The following RCAN2 variants were observed in gnomAD, a reference collection of about 807,000 sequenced individuals.
RCAN2 encodes regulator of calcineurin 2.
A neutral mutation model predicts 23.6 loss-of-function variants in RCAN2; 9 were observed. That is an observed-to-expected ratio of 0.38 (90% CI 0.23 to 0.67). The LOEUF (loss-of-function observed/expected upper bound fraction) is 0.67, where lower values mean the gene tolerates loss of function less well. RCAN2 is among the 30% of genes least tolerant of loss of function. RCAN2 has a pLI of 0.51. For missense variants in RCAN2, 273 were observed against 302.3 expected, an observed-to-expected ratio of 0.90 and a Z score of 0.72; for synonymous variants, 109 against 115.7, an observed-to-expected ratio of 0.94 and a Z score of 0.37.
At chr6:46,420,793 CT>C (rs888072804) in intron 2 of RCAN2, among the ~76,000 whole-genome samples, 1 of 152,036 alleles carries the variant, frequency 6.6e-6, no homozygotes, top group Non-Finnish European at 1.5e-5. Context: ...GTAATCTGCC[CT>C]CCTCGGCCCC....
At chr6:46,224,928 C>T (rs186398008) in intron 4 of RCAN2, among the ~76,000 whole-genome samples, 2 of 151,886 alleles carry the variant, frequency 1.3e-5, no homozygotes, top group Non-Finnish European at 2.9e-5. Context: ...CTATCCCTCC[C>T]CCCCTTCCCC....
intron 2 of RCAN2, among the ~76,000 whole-genome samples, chr6:46,290,259 C>T (rs1228013334): frequency 6.6e-6 from 1 of 152,056 alleles, no homozygotes; most frequent in Non-Finnish European, 1.5e-5. Flanking sequence ...GCAGGAAAAA[C>T]ATAGAAAATC....
At chr6:46,267,117 G>A (rs1767359558) in intron 2 of RCAN2, among the ~76,000 whole-genome samples, 1 of 152,184 alleles carries the variant, frequency 6.6e-6, no homozygotes, top group African/African-American at 2.4e-5. Flanking sequence ...GGTTAAAAGA[G>A]GTTGAGTGAT....
chr6:46,289,882 T>G (rs927050045), intron 2 of RCAN2, among the ~76,000 whole-genome samples: 2 of 152,190 alleles, frequency 1.3e-5, no homozygotes, highest in African/African-American at 4.8e-5. Flanking sequence ...ACCATAGTAC[T>G]AAGTTTGTGC....
intron 2 of RCAN2, among the ~76,000 whole-genome samples, chr6:46,437,527 G>A (rs948927907): frequency 6.6e-6 from 1 of 152,176 alleles, no homozygotes; most frequent in African/African-American, 2.4e-5. Flanking sequence ...TTTTATTAGG[G>A]AGGACTTCAA....
intron 1 of RCAN2, among the ~76,000 whole-genome samples, chr6:46,484,744 G>T (rs557628708): frequency 1.1e-4 from 16 of 152,334 alleles, no homozygotes; most frequent in African/African-American, 3.8e-4. Context: ...GCCATCCACA[G>T]AAATCAACTT....
At chr6:46,417,897 T>A (rs1766758967) in intron 2 of RCAN2, among the ~76,000 whole-genome samples, 1 of 152,254 alleles carries the variant, frequency 6.6e-6, no homozygotes, top group African/African-American at 2.4e-5. Flanking sequence ...CTATTAGATC[T>A]ATTTCACTGA....
chr6:46,348,677 T>G (rs2150376996), intron 2 of RCAN2, among the ~76,000 whole-genome samples: 1 of 152,292 alleles, frequency 6.6e-6, no homozygotes, highest in Middle Eastern at 3.4e-3. Flanking sequence ...TCCTCCACTA[T>G]TAGATGAAAG....
chr6:46,225,776 G>T (rs1562090924), intron 4 of RCAN2, among the ~76,000 whole-genome samples: 1 of 152,182 alleles, frequency 6.6e-6, no homozygotes, highest in Non-Finnish European at 1.5e-5. Flanking sequence ...CTGTGCAGAA[G>T]CTCTTTAGTT....
chr6:46,431,372 A>C (rs1238288928), intron 2 of RCAN2, among the ~76,000 whole-genome samples: 1 of 152,048 alleles, frequency 6.6e-6, no homozygotes, highest in Non-Finnish European at 1.5e-5. Context: ...GCCTGGCCCC[A>C]ACTTGCTTTT....
intron 1 of RCAN2, among the ~76,000 whole-genome samples, chr6:46,469,428 C>T (rs948246021): frequency 3.9e-5 from 6 of 152,158 alleles, no homozygotes; most frequent in African/African-American, 1.4e-4. Flanking sequence ...TGATCAGTGG[C>T]TAGGGCTCGT....
intron 2 of RCAN2, among the ~76,000 whole-genome samples, chr6:46,367,799 T>C (rs1290730396): frequency 1.3e-5 from 2 of 152,208 alleles, no homozygotes; most frequent in African/African-American, 4.8e-5. Flanking sequence ...TTAAACGCTA[T>C]GTTTAATTTC....
intron 2 of RCAN2, among the ~76,000 whole-genome samples, chr6:46,263,503 A>ATGTGTG (rs879389951): frequency 8.5e-5 from 6 of 70,596 alleles, no homozygotes; most frequent in Admixed American, 1.4e-4. Context: ...GTATGTGTGT[A>ATGTGTG]TGTGTGTGTA....
intron 2 of RCAN2, among the ~76,000 whole-genome samples, chr6:46,265,433 A>T (rs901566447): frequency 6.6e-6 from 1 of 152,094 alleles, no homozygotes; most frequent in South Asian, 2.1e-4. Flanking sequence ...AAGTTTAGGG[A>T]CAGCTAGGGA....
intron 1 of RCAN2, among the ~76,000 whole-genome samples, chr6:46,476,439 T>C (rs1768714564): frequency 6.6e-6 from 1 of 152,194 alleles, no homozygotes; most frequent in African/African-American, 2.4e-5. Flanking sequence ...AAAATTTCAA[T>C]AATACTTCAT....
chr6:46,469,360 C>T (rs1768488266), intron 1 of RCAN2, among the ~76,000 whole-genome samples: 1 of 152,170 alleles, frequency 6.6e-6, no homozygotes, highest in South Asian at 2.1e-4. Flanking sequence ...TTATAAAGTC[C>T]TTTCTGGCCT....
chr6:46,457,760 T>C (rs1309964747), intron 1 of RCAN2, among the ~76,000 whole-genome samples: 2 of 152,188 alleles, frequency 1.3e-5, no homozygotes, highest in Non-Finnish European at 2.9e-5. Flanking sequence ...ATCAGTGCTA[T>C]CTTGATCAAT....
intron 1 of RCAN2, among the ~76,000 whole-genome samples, chr6:46,458,322 G>GT (rs1440594119): frequency 3.9e-5 from 6 of 152,116 alleles, no homozygotes; most frequent in Admixed American, 3.9e-4. Context: ...ATGAGGTTAT[G>GT]TTTTTTATTT....
chr6:46,418,323 C>T (rs1026626975), intron 2 of RCAN2, among the ~76,000 whole-genome samples: 2 of 152,160 alleles, frequency 1.3e-5, no homozygotes, highest in African/African-American at 2.4e-5. Flanking sequence ...AAATATTCCT[C>T]TCTGACCCTT....
Sources: allele counts gnomAD v4.1 joint callset (sites outside exome capture counted in the v4.1 genomes callset), GRCh38; gene constraint gnomAD v4.1.1; transcripts MANE v1.5; gene names NCBI Gene and HGNC (gene_info 2026-07-23, HGNC 2026-07-21).